Variants in SCN2A observed in about 807,000 individuals in gnomAD.
SCN2A encodes the protein sodium voltage-gated channel alpha subunit 2.
A neutral mutation model predicts 188.7 loss-of-function variants in SCN2A; 20 were observed. The observed-to-expected ratio is 0.11, with a 90% CI of 0.07 to 0.15. The LOEUF (loss-of-function observed/expected upper bound fraction) is 0.15. Ranked by LOEUF, SCN2A falls within the 10% of genes least tolerant of loss-of-function variation. The pLI is 1.00. For synonymous variants in SCN2A, 804 were observed against 833.1 expected, an observed-to-expected ratio of 0.97 and a Z score of 0.60; for missense variants, 1,278 against 2,445.0, an observed-to-expected ratio of 0.52 and a Z score of 10.07.
rs1262232371 is a variant in SCN2A at position 165,304,833 on chromosome 2, C to T, written c.387-3015C>T. On this transcript the variant is annotated intron_variant, in intron 3 of 26. Transcript: ENST00000375437. Reference sequence around the variant, plus strand: ...TGAAACTGGAGAAGTAGACAGGGATCAGACCTCCTAGCGTCTTGACTCTGT... The same window carrying T: ...TGAAACTGGAGAAGTAGACAGGGATTAGACCTCCTAGCGTCTTGACTCTGT... Among the ~76,000 whole-genome samples the T allele has an allele frequency of 4.6e-5, 7 of 152,280 alleles. No individual in the cohort carries two copies. The South Asian group carries it at 1.2e-3, about 27-fold the overall frequency.
At chr2:165,370,412 TTA>T in intron 20 of SCN2A, 113 bp downstream of exon 20, 1 of 1,085,668 alleles carries the variant, frequency 9.2e-7, no homozygotes, top group Non-Finnish European at 1.4e-6. Context: ...CAAATATAAA[TTA>T]TGTTTCTCAT....
intron 1 of SCN2A, among the ~76,000 whole-genome samples, chr2:165,288,719 A>G (rs1475775565): frequency 7.1e-6 from 1 of 141,044 alleles, no homozygotes; most frequent in Non-Finnish European, 1.6e-5. Context: ...TAAAAAGAGA[A>G]GGATACATAT....
At chr2:165,305,226 C>T (rs73023758) in intron 3 of SCN2A, among the ~76,000 whole-genome samples, 5 of 151,922 alleles carry the variant, frequency 3.3e-5, no homozygotes, top group Non-Finnish European at 5.9e-5. Context: ...GACACAGAGA[C>T]GTCAAAGGAG....
intron 17 of SCN2A, among the ~76,000 whole-genome samples, chr2:165,359,125 A>G (rs1386136550): frequency 6.6e-6 from 1 of 152,158 alleles, no homozygotes; most frequent in Non-Finnish European, 1.5e-5. Flanking sequence ...ACTTTGGAAC[A>G]AAATATTCCA....
chr2:165,328,434 G>A (rs1163386630), intron 13 of SCN2A: 20 of 974,758 alleles, frequency 2.1e-5, no homozygotes, highest in Middle Eastern at 5.2e-4. Flanking sequence ...CTGGCCTTCC[G>A]CTCCTTGCCA....
intron 1 of SCN2A, among the ~76,000 whole-genome samples, chr2:165,257,999 GTTGTTGTTT>G (rs931400269): frequency 1.3e-5 from 2 of 152,044 alleles, no homozygotes; most frequent in Non-Finnish European, 1.5e-5. Flanking sequence ...TGTTGTTGTT[GTTGTTGTTT>G]TTGTTTTTTG....
chr2:165,242,131 C>T (rs761500879), intron 1 of SCN2A, among the ~76,000 whole-genome samples: 8 of 152,024 alleles, frequency 5.3e-5, no homozygotes, highest in Non-Finnish European at 1.0e-4. Flanking sequence ...TACTCATACA[C>T]TGGGGTGTTT....
At chr2:165,260,669 T>A (rs1361017621) in intron 1 of SCN2A, among the ~76,000 whole-genome samples, 1 of 152,014 alleles carries the variant, frequency 6.6e-6, no homozygotes, top group Admixed American at 6.6e-5. Flanking sequence ...CAGTCCCTGA[T>A]ATAAAATGGT....
chr2:165,293,846 A>T, intron 1 of SCN2A: 1 of 984,982 alleles, frequency 1.0e-6, no homozygotes, highest in Non-Finnish European at 1.2e-6. Flanking sequence ...CTTCAGACAT[A>T]TGTCTGTGTG....
intron 25 of SCN2A, among the ~76,000 whole-genome samples, chr2:165,385,235 G>T (rs1194605622): frequency 2.6e-5 from 4 of 152,108 alleles, no homozygotes; most frequent in Non-Finnish European, 5.9e-5. Flanking sequence ...GGGAAAGCAA[G>T]CCATTAGGTG....
In SCN2A at chr2:165,342,466, G is replaced by A; in HGVS notation, c.2559G>A (p.Arg853=). 1 of 1,613,946 alleles carries A rather than the reference G, an allele frequency of 6.2e-7. No individual in the cohort carries two copies. Among genetic ancestry groups the A allele is most frequent in the Non-Finnish European group, 8.5e-7 (1 of 1,179,908 alleles). The change falls in exon 15 of 27, where the codon CGG becomes CGA. Residue 853 remains arginine, a synonymous_variant. Coordinates refer to ENST00000375437, the MANE Select transcript of SCN2A (RefSeq NM_001040142.2). The part of the protein sequence containing the change: ...VEGLSVLRSF[R]LLRVFKLAKS... ...GATTGTCAGTTCTCCGATCATTCCG[G>A]CTGGTAAATTAACTGGGAGTGTTCA...
intron 1 of SCN2A, among the ~76,000 whole-genome samples, chr2:165,265,510 TA>T (rs1694815417): frequency 2.3e-5 from 3 of 130,606 alleles, no homozygotes; most frequent in Admixed American, 2.3e-4. Flanking sequence ...TATATATATA[TA>T]TATATTGCTG....
At chr2:165,318,781 G>A (rs1203469165) in intron 11 of SCN2A, among the ~76,000 whole-genome samples, 1 of 152,006 alleles carries the variant, frequency 6.6e-6, no homozygotes, top group East Asian at 1.9e-4. Flanking sequence ...TTCTTTTTTA[G>A]CTAATGAGGA....
intron 16 of SCN2A, among the ~76,000 whole-genome samples, chr2:165,350,601 T>C (rs1559381028): frequency 6.8e-6 from 1 of 147,670 alleles, no homozygotes; most frequent in Non-Finnish European, 1.5e-5. Flanking sequence ...GCCTCCCAAG[T>C]AGCTGAGACT....
Position 165,388,993 on chromosome 2 carries a change from A to T in SCN2A, c.5187A>T (p.Pro1729=). Residue 1729 remains proline, a synonymous_variant, in exon 27 of 27, where the codon CCA becomes CCT. Coordinates refer to ENST00000375437, the MANE Select transcript of SCN2A (RefSeq NM_001040142.2). ...CACCTATTCTTAATAGTGGACCTCC[A>T]GACTGTGACCCTGACAAAGATCACC... ...LLAPILNSGP[P]DCDPDKDHPG... 6.2e-7 allele frequency: 1 copy of T among 1,614,130 alleles called. No homozygotes were observed. The highest frequency in any genetic ancestry group is 8.5e-7 in the Non-Finnish European group (1 of 1,180,010).
chr2:165,284,190 A>T (rs1406873035), intron 1 of SCN2A, among the ~76,000 whole-genome samples: 2 of 151,874 alleles, frequency 1.3e-5, no homozygotes, highest in African/African-American at 4.8e-5. Flanking sequence ...TTATTTTTTG[A>T]GACAGAGTCT....
At chr2:165,313,846 T>C in intron 9 of SCN2A, 56 bp from the exon 10 acceptor site, 3 of 1,610,790 alleles carry the variant, frequency 1.9e-6, no homozygotes, top group Non-Finnish European at 2.5e-6. Context: ...TTACTTAGAG[T>C]GTAAGTTTGT....
intron 1 of SCN2A, among the ~76,000 whole-genome samples, chr2:165,244,587 T>C (rs868860578): frequency 6.6e-6 from 1 of 152,214 alleles, no homozygotes; most frequent in African/African-American, 2.4e-5. Context: ...GGTATTTAAG[T>C]ATATTTTATT....
intron 20 of SCN2A, 83 bp downstream of exon 20, chr2:165,370,382 T>C: frequency 7.8e-7 from 1 of 1,287,814 alleles, no homozygotes; most frequent in Admixed American, 1.7e-5. Flanking sequence ...GTGTAGGCAC[T>C]CAGTAACACT....
Sources: gnomAD v4.1 joint callset for allele counts (sites outside exome capture counted in the v4.1 genomes callset) on GRCh38, gnomAD v4.1.1 for gene constraint, MANE v1.5 for transcripts, NCBI Gene and HGNC (gene_info 2026-07-23, HGNC 2026-07-21) for gene names.